PAK1: variants seen among roughly 807,000 people sequenced by gnomAD.
PAK1 encodes serine/threonine-protein kinase PAK 1.
Under a neutral mutation model 67.4 loss-of-function variants are expected in PAK1, and 29 were observed. The observed-to-expected ratio is 0.43, with a 90% CI of 0.32 to 0.59. The LOEUF (loss-of-function observed/expected upper bound fraction) is 0.59. Ranked by LOEUF, PAK1 falls within the 20% of genes least tolerant of loss-of-function variation. The pLI is 0.07. For synonymous variants in PAK1, 223 were observed against 237.4 expected, an observed-to-expected ratio of 0.94 and a Z score of 0.56; for missense variants, 337 against 670.7, an observed-to-expected ratio of 0.50 and a Z score of 5.50.
At chr11:77,427,503 TTCTTGTAGTCAGAGCC>T (rs1219968932) in intron 1 of PAK1, among the ~76,000 whole-genome samples, 1 of 152,126 alleles carries the variant, frequency 6.6e-6, no homozygotes, top group African/African-American at 2.4e-5. Flanking sequence ...TCCAAACCCT[TTCTTGTAGTCAGAGCC>T]TCTCAGACCT....
intron 1 of PAK1, among the ~76,000 whole-genome samples, chr11:77,404,789 A>G (rs1278204443): frequency 2.0e-5 from 3 of 152,112 alleles, no homozygotes; most frequent in Non-Finnish European, 4.4e-5. Context: ...AGCTATGTCA[A>G]CCTTTCCCTC....
the PAK1 span, among the ~76,000 whole-genome samples, chr11:77,491,152 A>AC: frequency 6.6e-6 from 1 of 151,874 alleles, no homozygotes; most frequent in Non-Finnish European, 1.5e-5. Context: ...AAAAAATTAA[A>AC]GAGACATAAA....
At chr11:77,442,201 C>T in intron 1 of PAK1, among the ~76,000 whole-genome samples, 1 of 152,176 alleles carries the variant, frequency 6.6e-6, no homozygotes, top group East Asian at 1.9e-4. Flanking sequence ...AAAACCACTA[C>T]TTGGAGGTAG....
intron 13 of PAK1, among the ~76,000 whole-genome samples, chr11:77,335,468 C>T (rs936871980): frequency 3.3e-5 from 5 of 152,156 alleles, no homozygotes; most frequent in African/African-American, 1.2e-4. Flanking sequence ...GACCAGAAAT[C>T]TTGTAGTCAT....
At chr11:77,355,498 G>A (rs1039901536) in intron 7 of PAK1, among the ~76,000 whole-genome samples, 170 bp downstream of exon 7, 1 of 152,116 alleles carries the variant, frequency 6.6e-6, no homozygotes, top group Non-Finnish European at 1.5e-5. Context: ...ATCCAACCAG[G>A]GCTGTGAGAC....
chr11:77,431,257 A>C (rs1037595075), intron 1 of PAK1, among the ~76,000 whole-genome samples: 14 of 152,228 alleles, frequency 9.2e-5, no homozygotes, highest in Admixed American at 7.9e-4. Context: ...TTTCTGCTAC[A>C]TTATGCAACT....
Position 77,340,682 on chromosome 11 carries a change from G to T in PAK1, c.1080C>A (p.Cys360Ter). Residue 360 changes from cysteine (C) to a stop codon, truncating the protein, a stop_gained, in exon 11 of 15, where the codon TGC (cysteine) becomes TGA (stop). Transcript: ENST00000356341. LOFTEE classifies it high-confidence loss of function. Reference sequence around the variant, plus strand: ...CAGCTGCAATTTGGCCTTCATCCATGCAAGTTTCTGTCACCACATCTGTCA... The same window carrying T: ...CAGCTGCAATTTGGCCTTCATCCATTCAAGTTTCTGTCACCACATCTGTCA... ...GSLTDVVTET[C>*]MDEGQIAAVC... 1 of 1,609,600 alleles carries T rather than the reference G, an allele frequency of 6.2e-7. No homozygotes were observed. The highest frequency in any genetic ancestry group is 8.5e-7 in the Non-Finnish European group (1 of 1,175,894).
the PAK1 span, among the ~76,000 whole-genome samples, chr11:77,493,693 G>A: frequency 2.0e-5 from 3 of 151,852 alleles, no homozygotes; most frequent in East Asian, 1.9e-4. Context: ...CCGAGAGTGC[G>A]TCAGTCGTTT....
chr11:77,364,117 C>A (rs1947174791), intron 5 of PAK1, among the ~76,000 whole-genome samples: 1 of 152,236 alleles, frequency 6.6e-6, no homozygotes, highest in Non-Finnish European at 1.5e-5. Context: ...GTAGGGCAAA[C>A]TAATTTCTGG....
the PAK1 span, among the ~76,000 whole-genome samples, chr11:77,516,136 T>G: frequency 6.6e-6 from 1 of 152,216 alleles, no homozygotes; most frequent in African/African-American, 2.4e-5. Flanking sequence ...GAATAATCTT[T>G]GCTGCATTAA....
intron 14 of PAK1, chr11:77,325,405 TCA>T: frequency 1.2e-6 from 2 of 1,609,744 alleles, no homozygotes; most frequent in South Asian, 1.1e-5. Context: ...AACCTATGAC[TCA>T]CAGAGTTGTT....
chr11:77,527,937 C>A, the PAK1 span, among the ~76,000 whole-genome samples: 1 of 151,908 alleles, frequency 6.6e-6, no homozygotes, highest in Non-Finnish European at 1.5e-5. Flanking sequence ...GGAGCCTCAA[C>A]CTCTCAGGCT....
the PAK1 span, among the ~76,000 whole-genome samples, chr11:77,502,482 G>C: frequency 6.6e-6 from 1 of 152,194 alleles, no homozygotes; most frequent in African/African-American, 2.4e-5. Context: ...CCTTAGGATA[G>C]ATTCTCAGAA....
intron 2 of PAK1, among the ~76,000 whole-genome samples, chr11:77,387,828 G>C (rs1950637739): frequency 6.6e-6 from 1 of 152,154 alleles, no homozygotes; most frequent in South Asian, 2.1e-4. Context: ...TATGCAGCTG[G>C]TATAAATGCT....
At chr11:77,334,245 A>G (rs1014483454) in intron 13 of PAK1, among the ~76,000 whole-genome samples, 6 of 152,170 alleles carry the variant, frequency 3.9e-5, no homozygotes, top group South Asian at 2.1e-4. Flanking sequence ...TATTTCCAAC[A>G]TATCCCAGCA....
intron 5 of PAK1, among the ~76,000 whole-genome samples, chr11:77,365,937 C>CA (rs1161853043): frequency 6.6e-6 from 1 of 151,740 alleles, no homozygotes; most frequent in African/African-American, 2.4e-5. Context: ...AGAAAACTGA[C>CA]ATCATGTACA....
intron 1 of PAK1, among the ~76,000 whole-genome samples, chr11:77,393,288 AGAGAG>A (rs1565658653): frequency 2.2e-3 from 76 of 34,102 alleles, no homozygotes; most frequent in Middle Eastern, 0.014. Flanking sequence ...AAAAAAAAAG[AGAGAG>A]AGAGAGAGAG....
the PAK1 span, among the ~76,000 whole-genome samples, chr11:77,491,586 G>T: frequency 6.6e-6 from 1 of 152,064 alleles, no homozygotes; most frequent in Admixed American, 6.6e-5. Context: ...TTTTCTCTTT[G>T]CTTGTTAGTT....
At chr11:77,385,792 A>T (rs934443481) in intron 2 of PAK1, among the ~76,000 whole-genome samples, 5 of 152,140 alleles carry the variant, frequency 3.3e-5, no homozygotes, top group Admixed American at 6.5e-5. Flanking sequence ...CAGGAGGTGG[A>T]GGTTGCAGTG....
Sources: gnomAD v4.1 joint callset for allele counts (sites outside exome capture counted in the v4.1 genomes callset) on GRCh38, gnomAD v4.1.1 for gene constraint, MANE v1.5 for transcripts, NCBI Gene and HGNC (gene_info 2026-07-23, HGNC 2026-07-21) for gene names.